Variants in ATXN2 observed in about 807,000 individuals in gnomAD.
The protein encoded by ATXN2 is ataxin 2, also known as ataxin-2.
ATXN2 carries 37 observed loss-of-function variants against 138.6 expected under a neutral mutation model. The observed-to-expected ratio is 0.27, with a 90% CI of 0.21 to 0.35. The LOEUF (loss-of-function observed/expected upper bound fraction) is 0.35. Ranked by LOEUF, ATXN2 falls within the 10% of genes least tolerant of loss-of-function variation. ATXN2 has a pLI of 1.00. For missense variants in ATXN2, 1,216 were observed against 1,480.3 expected (o/e 0.82, Z 2.93); for synonymous variants, 549 against 543.7 (o/e 1.01, Z -0.13).
rs181079699 is a variant in ATXN2, at chr12:111,498,560, G to A, written c.1936-9780C>T. On this transcript the variant is annotated intron_variant, in intron 14 of 24. Coordinates refer to ENST00000673436, the MANE Select transcript of ATXN2 (RefSeq NM_001372574.1). ...ATGACAACTTTAAAACACTGAAATTGATGACACAGAAAAAACATGAAAAGA... is the reference window on the plus strand; with the variant it reads ...ATGACAACTTTAAAACACTGAAATTAATGACACAGAAAAAACATGAAAAGA... Among the ~76,000 whole-genome samples the A allele has an allele frequency of 2.1e-3, 319 of 152,176 alleles. 2 individuals carry two copies. Among genetic ancestry groups the A allele is most frequent in the African/African-American group, 7.3e-3 (305 of 41,546 alleles).
At chr12:111,550,542 T>C (rs1156405546) in intron 5 of ATXN2, among the ~76,000 whole-genome samples, 4 of 152,228 alleles carry the variant, frequency 2.6e-5, no homozygotes, top group African/African-American at 9.6e-5. Context: ...AAGTCAATTT[T>C]TGAATTTATA....
At chr12:111,515,317 T>A (rs1488306036) in intron 10 of ATXN2, among the ~76,000 whole-genome samples, 1 of 152,184 alleles carries the variant, frequency 6.6e-6, no homozygotes, top group Non-Finnish European at 1.5e-5. Flanking sequence ...ACACAAATAT[T>A]CAGAACTAGT....
At chr12:111,455,734 T>C (rs1875036204) in intron 23 of ATXN2, 3 of 491,470 alleles carry the variant, frequency 6.1e-6, no homozygotes, top group African/African-American at 3.9e-5. Flanking sequence ...TATATAGACA[T>C]AGCAAAGCAG....
In ATXN2 at chr12:111,598,530, T is replaced by A. The variant is rs1438960043; in HGVS notation, c.251+254A>T. The A allele has an allele frequency of 2.0e-6, 2 of 981,350 alleles. No individual in the cohort carries two copies. The highest frequency in any genetic ancestry group is 2.4e-6 in the Non-Finnish European group (2 of 828,818). 60.8% of individuals were successfully genotyped at this position (981,350 alleles called of 1,614,324 possible). On this transcript the variant is annotated intron_variant, in intron 1 of 24. Transcript: ENST00000673436. The surrounding 1 kb of genome is among the most constrained non-coding windows in gnomAD (Gnocchi z 4.5). ...CGCGTGGGGAGGGGAGGCCGCCCGC[T>A]CCCTCCATCTTGACCGCCGGGGGAG...
intron 8 of ATXN2, 169 bp downstream of exon 8, chr12:111,519,710 A>C: frequency 7.8e-7 from 1 of 1,274,586 alleles, no homozygotes; most frequent in Middle Eastern, 2.8e-4. Context: ...TCAAAAGCAT[A>C]TTTTCCAAGA....
At chr12:111,485,609 AT>A in intron 17 of ATXN2, 103 bp downstream of exon 17, 1 of 1,374,806 alleles carries the variant, frequency 7.3e-7, no homozygotes, top group Non-Finnish European at 1.0e-6. Flanking sequence ...TCAAATGCAT[AT>A]GCATAACCAT....
intron 14 of ATXN2, among the ~76,000 whole-genome samples, chr12:111,498,427 C>T (rs932044754): frequency 6.6e-6 from 1 of 152,130 alleles, no homozygotes; most frequent in Non-Finnish European, 1.5e-5. Flanking sequence ...TTATATTTAA[C>T]AGCAAACAAT....
At chr12:111,557,634 G>C (rs1185349534) in intron 1 of ATXN2, among the ~76,000 whole-genome samples, 1 of 152,162 alleles carries the variant, frequency 6.6e-6, no homozygotes, top group Non-Finnish European at 1.5e-5. Flanking sequence ...CAGTTCATGA[G>C]CAGTAGAGCT....
At chr12:111,517,253 T>C (rs1378940985) in intron 9 of ATXN2, among the ~76,000 whole-genome samples, 1 of 152,164 alleles carries the variant, frequency 6.6e-6, no homozygotes, top group East Asian at 1.9e-4. Flanking sequence ...ATCATATATT[T>C]CTCAGCCCCC....
intron 5 of ATXN2, among the ~76,000 whole-genome samples, chr12:111,549,982 A>C (rs560279436): frequency 1.5e-4 from 23 of 151,736 alleles, no homozygotes; most frequent in African/African-American, 5.6e-4. Flanking sequence ...GAATCGCTTG[A>C]ACCCAGGAGG....
At chr12:111,508,603 T>G (rs906231831) in intron 14 of ATXN2, among the ~76,000 whole-genome samples, 2 of 151,760 alleles carry the variant, frequency 1.3e-5, no homozygotes, top group African/African-American at 4.8e-5. Context: ...TGCGCCACCA[T>G]GCCTAGCTAA....
intron 1 of ATXN2, among the ~76,000 whole-genome samples, chr12:111,592,641 G>C (rs1884725541): frequency 1.3e-5 from 2 of 151,108 alleles, no homozygotes; most frequent in East Asian, 3.9e-4. Context: ...AAATTAGCCA[G>C]GCGTGGTGGT....
Position 111,538,735 on chromosome 12 carries a change from G to A in ATXN2, c.572-13419C>T, listed in dbSNP as rs528447107. ...TTGAACTGAAAATTGTTTAGAAATG[G>A]TATCAGTTAAAATGGTGCTGTATTT... On this transcript the variant is annotated intron_variant, in intron 5 of 24. Transcript: ENST00000673436. Among the ~76,000 whole-genome samples, 4 of 150,214 alleles carry A rather than the reference G, an allele frequency of 2.7e-5. No individual in the cohort carries two copies. In the South Asian group the frequency reaches 6.3e-4, roughly 24 times the overall value.
At chr12:111,526,282 G>A (rs996021916) in intron 5 of ATXN2, among the ~76,000 whole-genome samples, 5 of 151,716 alleles carry the variant, frequency 3.3e-5, no homozygotes, top group Admixed American at 3.3e-4. Flanking sequence ...TTTGAACCCG[G>A]GAGGTGGAGG....
At chr12:111,591,134 C>T (rs1194148034) in intron 1 of ATXN2, among the ~76,000 whole-genome samples, 5 of 152,016 alleles carry the variant, frequency 3.3e-5, no homozygotes, top group African/African-American at 1.2e-4. Flanking sequence ...CGTGATCTGC[C>T]CGCCTCGGCC....
rs1363814161 is a variant in ATXN2, at chr12:111,582,989, GT to G, written c.251+15794del. On this transcript the variant is annotated intron_variant, in intron 1 of 24. Transcript: ENST00000673436. ...GGCCAGTATCTCAGTTTTTTTTTTT[GT>G]TTGTTTTTTTTTTTTTTTTGGAGAC... 1.9e-3 allele frequency among the ~76,000 whole-genome samples: 134 copies of G among 69,096 alleles called. 1 individual carries two copies. The highest frequency in any genetic ancestry group is 6.6e-3 in the African/African-American group (122 of 18,522). The allele number at this position is 69,096 out of a possible 152,430, so 45.3% of individuals were successfully genotyped here.
At chr12:111,496,281 C>T (rs1878416799) in intron 14 of ATXN2, among the ~76,000 whole-genome samples, 1 of 152,028 alleles carries the variant, frequency 6.6e-6, no homozygotes, top group Non-Finnish European at 1.5e-5. Flanking sequence ...CCTGTAATTC[C>T]AGCACTTTAG....
intron 1 of ATXN2, among the ~76,000 whole-genome samples, chr12:111,586,402 T>C (rs1474357604): frequency 6.8e-6 from 1 of 146,550 alleles, no homozygotes. Flanking sequence ...TTTTTTTTTT[T>C]TTTTTTTTTT....
chr12:111,470,259 T>C lies in ATXN2; in HGVS notation c.2710-19A>G. On this transcript the variant is annotated intron_variant, in intron 19 of 24. Transcript: ENST00000673436. ...GAGGATGCTGTGTTCAAACAAAAAA[T>C]AAAGAAAGCACATTAACACTGCAAA... The C allele has an allele frequency of 2.5e-6, 4 of 1,610,554 alleles. No individual in the cohort carries two copies. The highest frequency in any genetic ancestry group is 3.4e-6 in the Non-Finnish European group (4 of 1,178,482).
Sources: gnomAD v4.1 joint callset for allele counts (sites outside exome capture counted in the v4.1 genomes callset) on GRCh38, gnomAD v4.1.1 for gene constraint, Gnocchi (gnomAD v3.1) non-coding constraint, MANE v1.5 for transcripts, NCBI Gene and HGNC (gene_info 2026-07-23, HGNC 2026-07-21) for gene names.